The following RBAK variants were observed in gnomAD, a reference collection of about 807,000 sequenced individuals.
RBAK encodes the protein RB-associated KRAB zinc finger protein.
In RBAK, 39 loss-of-function variants were observed where a neutral mutation model predicts 65.8. The ratio of observed to expected loss-of-function variants is 0.59; its 90% confidence interval spans 0.46 to 0.77. The LOEUF is 0.77. RBAK is among the 30% of genes least tolerant of loss of function. The pLI is 0.00. For synonymous variants in RBAK, 343 were observed against 289.7 expected (o/e 1.18, Z -1.87); for missense variants, 884 against 855.1 (o/e 1.03, Z -0.42).
chr7:5,057,245 C>A, intron 2 of RBAK, 50 bp from the exon 3 acceptor site: 8 of 1,612,210 alleles, frequency 5.0e-6, no homozygotes, highest in Non-Finnish European at 6.8e-6. Context: ...AAACGTTATC[C>A]CCCTATCCCT....
At chr7:5,047,120 C>T (rs796694750) in intron 1 of RBAK, among the ~76,000 whole-genome samples, 4 of 152,140 alleles carry the variant, frequency 2.6e-5, no homozygotes, top group African/African-American at 4.8e-5. Flanking sequence ...AAATGCGGGC[C>T]GGATGCAGTG....
At position 5,069,269 on chromosome 7, in the gene RBAK, C is replaced by T. The variant is rs1225332438; in HGVS notation, c.*3668C>T. ...ATTAAATGGCAGATTTTGCATAATTCTGTGCAGGAAATACATATTTATAGT... is the reference window on the plus strand; with the variant it reads ...ATTAAATGGCAGATTTTGCATAATTTTGTGCAGGAAATACATATTTATAGT... On this transcript the variant is annotated 3_prime_UTR_variant, in exon 5 of 5. Transcript: ENST00000396912. 1 of 152,152 alleles carries T rather than the reference C, an allele frequency of 6.6e-6. No individual in the cohort carries two copies. Among genetic ancestry groups the T allele is most frequent in the Admixed American group, 6.5e-5 (1 of 15,276 alleles). 9.4% of individuals were successfully genotyped at this position (152,152 alleles called of 1,614,324 possible). A position where few individuals can be genotyped will look rare whatever the true frequency, so the allele number is the denominator to read the frequency against.
chr7:5,050,475 A>C (rs1286428420), intron 2 of RBAK, among the ~76,000 whole-genome samples: 1 of 152,214 alleles, frequency 6.6e-6, no homozygotes, highest in Non-Finnish European at 1.5e-5. Flanking sequence ...TGAACTTAAG[A>C]ACTATTGACT....
At chr7:5,052,234 T>C (rs1487373155) in intron 2 of RBAK, among the ~76,000 whole-genome samples, 2 of 152,220 alleles carry the variant, frequency 1.3e-5, no homozygotes, top group Non-Finnish European at 2.9e-5. Context: ...TATAACGTAT[T>C]TGCATCTTTA....
rs1464736446 is a variant in RBAK at position 5,046,118 on chromosome 7, G to A, written c.-323G>A. ...GACGGGAGGTGGCGGAGGTGGCGGC[G>A]GAGGCGAAGGGGCGGCGGGACGCGG... On this transcript the variant is annotated 5_prime_UTR_variant, in exon 1 of 5. Coordinates refer to ENST00000396912, the MANE Select transcript of RBAK (RefSeq NM_021163.4). 1.6e-5 allele frequency: 5 copies of A among 317,346 alleles called. No individual in the cohort carries two copies. Among genetic ancestry groups the A allele is most frequent in the Non-Finnish European group, 3.0e-5 (5 of 166,636 alleles). The allele number at this position is 317,346 out of a possible 1,614,324, so 19.7% of individuals were successfully genotyped here.
intron 4 of RBAK, among the ~76,000 whole-genome samples, chr7:5,059,299 C>T (rs1482370911): frequency 1.3e-5 from 2 of 151,894 alleles, no homozygotes; most frequent in Non-Finnish European, 2.9e-5. Flanking sequence ...TTCTTCCTCT[C>T]CTCCCTCTCT....
Position 5,066,381 on chromosome 7 carries a change from T to C in RBAK, c.*780T>C, listed in dbSNP as rs1323815640. On this transcript the variant is annotated 3_prime_UTR_variant, in exon 5 of 5. Transcript: ENST00000396912. ...AGTTTTCAACTGCATCTGAGTAAGATAAGATTTTCTAAAAGACTATTTTGA... is the reference window on the plus strand; with the variant it reads ...AGTTTTCAACTGCATCTGAGTAAGACAAGATTTTCTAAAAGACTATTTTGA... The C allele has an allele frequency of 6.6e-6, 1 of 152,188 alleles. No individual in the cohort carries two copies. The highest frequency in any genetic ancestry group is 1.5e-5 in the Non-Finnish European group (1 of 67,982). The allele number at this position is 152,188 out of a possible 1,614,324, so 9.4% of individuals were successfully genotyped here.
chr7:5,060,169 T>C (rs755693498), intron 4 of RBAK, among the ~76,000 whole-genome samples: 6 of 152,246 alleles, frequency 3.9e-5, no homozygotes, highest in Non-Finnish European at 5.9e-5. Context: ...AAAGACCTTT[T>C]TACTCTTCTT....
At position 5,048,033 on chromosome 7, in the gene RBAK, G is replaced by A. The variant is rs1788032396; in HGVS notation, c.-44G>A. 1 of 1,543,770 alleles carries A rather than the reference G, an allele frequency of 6.5e-7. No individual in the cohort carries two copies. Among genetic ancestry groups the A allele is most frequent in the Non-Finnish European group, 8.8e-7 (1 of 1,135,078 alleles). On this transcript the variant is annotated splice_region_variant and 5_prime_UTR_variant, in exon 2 of 5. Transcript: ENST00000396912. The surrounding 1 kb of genome is among the most constrained non-coding windows in gnomAD (Gnocchi z 4.4). Reference sequence around the variant, plus strand: ...CAGTGACCTGCTTCTCCCCCTCTAGGTCTACCAGCCACAGTCTCTGCACGT... The same window carrying A: ...CAGTGACCTGCTTCTCCCCCTCTAGATCTACCAGCCACAGTCTCTGCACGT...
intron 2 of RBAK, among the ~76,000 whole-genome samples, chr7:5,056,104 C>G (rs369173103): frequency 1.9e-5 from 2 of 107,920 alleles, no homozygotes. Context: ...TTGCATTTTT[C>G]TTTTTTTTTT....
At chr7:5,049,827 G>A (rs1040796335) in intron 2 of RBAK, among the ~76,000 whole-genome samples, 6 of 151,910 alleles carry the variant, frequency 3.9e-5, no homozygotes, top group Admixed American at 3.9e-4. Flanking sequence ...GGGCTCACAC[G>A]ATCCTCCTGC....
At chr7:5,047,219 G>C (rs1408679111) in intron 1 of RBAK, among the ~76,000 whole-genome samples, 1 of 152,114 alleles carries the variant, frequency 6.6e-6, no homozygotes, top group Non-Finnish European at 1.5e-5. Flanking sequence ...AGGCAACATA[G>C]GGAGACCCTG....
In RBAK at chr7:5,065,102, A is replaced by G. The variant is rs1456026841; in HGVS notation, c.1646A>G (p.Asn549Ser). ...TGTAATGTATGTGGAAAGTTATTCAATGAGTTGTCATACTATACTGAACAT... is the reference window on the plus strand; with the variant it reads ...TGTAATGTATGTGGAAAGTTATTCAGTGAGTTGTCATACTATACTGAACAT... The part of the protein sequence containing the change: ...YECNVCGKLF[N>S]ELSYYTEHYR... The change falls in exon 5 of 5, where the codon AAT becomes AGT. Residue 549 changes from asparagine to serine, a missense_variant. Physicochemically the swap from Asn to Ser is conservative, Grantham distance 46. Coordinates refer to ENST00000396912, the MANE Select transcript of RBAK (RefSeq NM_021163.4). The surrounding 1 kb of genome is among the most constrained non-coding windows in gnomAD (Gnocchi z 5.3). 34 of 1,613,920 alleles carry G rather than the reference A, an allele frequency of 2.1e-5. No homozygotes were observed. The highest frequency in any genetic ancestry group is 2.8e-5 in the Non-Finnish European group (33 of 1,179,966).
In RBAK at chr7:5,064,066, C is replaced by T. The variant is rs1432937651; in HGVS notation, c.610C>T (p.Pro204Ser). ...ILQKISILEK[P>S]FEYNECMEAL... Reference sequence around the variant, plus strand: ...TCAGAAAATTAGTATTTTGGAGAAACCCTTTGAATATAATGAATGCATGGA... The same window carrying T: ...TCAGAAAATTAGTATTTTGGAGAAATCCTTTGAATATAATGAATGCATGGA... The change falls in exon 5 of 5, where the codon CCC becomes TCC. Residue 204 changes from proline to serine, a missense_variant. Transcript: ENST00000396912. The surrounding 1 kb of genome is among the most constrained non-coding windows in gnomAD (Gnocchi z 6.3). 4.3e-6 allele frequency: 7 copies of T among 1,613,460 alleles called. No homozygotes were observed. In the East Asian group the frequency reaches 1.6e-4, roughly 36 times the overall value.
At chr7:5,061,515 T>G (rs1374779121) in intron 4 of RBAK, among the ~76,000 whole-genome samples, 1 of 149,382 alleles carries the variant, frequency 6.7e-6, no homozygotes, top group East Asian at 2.0e-4. Flanking sequence ...GGTCTTAAAC[T>G]CCTGAGCTCA....
In RBAK at chr7:5,057,667, T is replaced by C. The variant is rs368046501; in HGVS notation, c.143-17T>C. On this transcript the variant is annotated splice_polypyrimidine_tract_variant and intron_variant, in intron 3 of 4. Transcript: ENST00000396912. ...CCAAGCAGCTTCCCCAAGTCCTCCT[T>C]CTTTTCCCATTAACAGGATATGATA... 66 of 1,613,532 alleles carry C rather than the reference T, an allele frequency of 4.1e-5. No homozygotes were observed. Among genetic ancestry groups the C allele is most frequent in the Non-Finnish European group, 5.3e-5 (63 of 1,179,736 alleles).
chr7:5,062,882 T>A (rs973484931), intron 4 of RBAK, among the ~76,000 whole-genome samples: 16 of 152,200 alleles, frequency 1.1e-4, no homozygotes, highest in African/African-American at 3.6e-4. Context: ...TCACCGGCAG[T>A]CAGAGTTTAA....
rs761953414 is a variant in RBAK, at chr7:5,046,275, G to A, written c.-166G>A. ...CTTAGGCCCGGCCCGGGCCCCTCGG[G>A]AGCAGAACAACCTTAGTGAGGTGGA... On this transcript the variant is annotated 5_prime_UTR_variant, in exon 1 of 5. Coordinates refer to ENST00000396912, the MANE Select transcript of RBAK (RefSeq NM_021163.4). The A allele has an allele frequency of 1.9e-6, 1 of 516,330 alleles. No homozygotes were observed. Among genetic ancestry groups the A allele is most frequent in the Non-Finnish European group, 3.9e-6 (1 of 259,604 alleles). 32.0% of individuals were successfully genotyped at this position (516,330 alleles called of 1,614,324 possible).
chr7:5,062,910 C>T (rs550232210), intron 4 of RBAK, among the ~76,000 whole-genome samples: 2 of 152,332 alleles, frequency 1.3e-5, no homozygotes, highest in African/African-American at 4.8e-5. Flanking sequence ...TCTCTTGTTC[C>T]CTAAACATTG....
Sources: gnomAD v4.1 joint callset for allele counts (sites outside exome capture counted in the v4.1 genomes callset) on GRCh38, gnomAD v4.1.1 for gene constraint, Gnocchi (gnomAD v3.1) non-coding constraint, MANE v1.5 for transcripts, NCBI Gene and HGNC (gene_info 2026-07-23, HGNC 2026-07-21) for gene names.